Variants in ZYX observed in about 807,000 individuals in gnomAD.
ZYX encodes zyxin-2.
ZYX carries 37 observed loss-of-function variants against 58.1 expected under a neutral mutation model. The observed-to-expected ratio is 0.64, with a 90% CI of 0.49 to 0.84. The LOEUF (loss-of-function observed/expected upper bound fraction) is 0.84. Ranked by LOEUF, ZYX falls within the 40% of genes least tolerant of loss-of-function variation. The pLI, the probability that ZYX is intolerant of heterozygous loss-of-function variation, is 0.00. For synonymous variants in ZYX, 324 were observed against 321.1 expected (o/e 1.01, Z -0.10); for missense variants, 762 against 761.6 (o/e 1.00, Z -0.01).
In ZYX at chr7:143,388,410, C is replaced by T; in HGVS notation, c.1144+71C>T. Reference sequence around the variant, plus strand: ...GGTGGGGGCCAGGGCTGTGGCTCCACTCCCTATCTGAGCTGGCTGATCCCT... The same window carrying T: ...GGTGGGGGCCAGGGCTGTGGCTCCATTCCCTATCTGAGCTGGCTGATCCCT... On this transcript the variant is annotated intron_variant, in intron 6 of 9. Coordinates refer to ENST00000322764, the MANE Select transcript of ZYX (RefSeq NM_003461.5). The surrounding 1 kb of genome is among the most constrained non-coding windows in gnomAD (Gnocchi z 7.5). The T allele has an allele frequency of 1.2e-6, 2 of 1,607,136 alleles. No individual in the cohort carries two copies. Among genetic ancestry groups the T allele is most frequent in the Non-Finnish European group, 1.7e-6 (2 of 1,175,138 alleles).
chr7:143,383,039 T>C lies in ZYX; in HGVS notation c.740T>C (p.Leu247Ser), dbSNP rs745909420. Residue 247 changes from leucine to serine, a missense_variant, in exon 5 of 10, where the codon TTG (leucine) becomes TCG (serine). Transcript: ENST00000322764. Reference protein sequence around the residue: ...HVQSQTQPVSLANTQPRGPPA... With the variant: ...HVQSQTQPVSSANTQPRGPPA... ...CAGTCCCAGACCCAGCCTGTGTCTT[T>C]GGCTAACACCCAGCCCCGAGGGCCC... The C allele has an allele frequency of 1.5e-5, 24 of 1,614,018 alleles. No homozygotes were observed. The East Asian group carries it at 4.7e-4, about 31-fold the overall frequency.
In ZYX at chr7:143,388,197, G is replaced by A. The variant is rs1454508132; in HGVS notation, c.1024-22G>A. ...TGGAGGCAGCAGCCCTCTAGAGTGT[G>A]AGGAAAATGTTGGGATTGCAGGTGC... On this transcript the variant is annotated intron_variant, in intron 5 of 9. Coordinates refer to ENST00000322764, the MANE Select transcript of ZYX (RefSeq NM_003461.5). The surrounding 1 kb of genome is among the most constrained non-coding windows in gnomAD (Gnocchi z 7.5). 6.3e-6 allele frequency: 10 copies of A among 1,581,540 alleles called. No homozygotes were observed. The South Asian group carries it at 1.1e-4, about 18-fold the overall frequency.
At chr7:143,382,127 C>A in intron 2 of ZYX, 121 bp from the exon 3 acceptor site, 1 of 865,254 alleles carries the variant, frequency 1.2e-6, no homozygotes, top group Non-Finnish European at 1.7e-6. Flanking sequence ...TCCTTTGCTT[C>A]CCCACACGCT....
Position 143,388,707 on chromosome 7 carries a change from C to T in ZYX, c.1314+49C>T, listed in dbSNP as rs1222659442. The stretch of plus-strand genomic sequence containing the variant: ...TGCTGGGCTGTGCTGGGCAGTCGGG[C>T]CCTGGAAGCTTGCTGTGGGGTGCCG... On this transcript the variant is annotated intron_variant, in intron 7 of 9. Coordinates refer to ENST00000322764, the MANE Select transcript of ZYX (RefSeq NM_003461.5). This position sits in a 1 kb window ranked among gnomAD's most constrained non-coding sequence, Gnocchi z 7.5. The T allele has an allele frequency of 3.7e-6, 6 of 1,607,666 alleles. No individual in the cohort carries two copies. In the East Asian group the frequency reaches 1.1e-4, roughly 30 times the overall value.
chr7:143,389,345 C>T lies in ZYX; in HGVS notation c.1493+400C>T, dbSNP rs180723665. On this transcript the variant is annotated intron_variant, in intron 8 of 9. Coordinates refer to ENST00000322764, the MANE Select transcript of ZYX (RefSeq NM_003461.5). This position sits in a 1 kb window ranked among gnomAD's most constrained non-coding sequence, Gnocchi z 5.6. Reference sequence around the variant, plus strand: ...TACTTTTTCAGGCTGACCCGCAGAACCTCAGTGCAGCTGTGGGAACAGTGC... The same window carrying T: ...TACTTTTTCAGGCTGACCCGCAGAATCTCAGTGCAGCTGTGGGAACAGTGC... Among the ~76,000 whole-genome samples, 4 of 152,320 alleles carry T rather than the reference C, an allele frequency of 2.6e-5. No homozygotes were observed. In the East Asian group the frequency reaches 5.8e-4, roughly 22 times the overall value.
rs1348229896 is a variant in ZYX at position 143,390,410 on chromosome 7, G to A, written c.1615-168G>A. 2 of 619,508 alleles carry A rather than the reference G, an allele frequency of 3.2e-6. No homozygotes were observed. The highest frequency in any genetic ancestry group is 1.9e-5 in the South Asian group (1 of 53,280). The allele number at this position is 619,508 out of a possible 1,614,324, so 38.4% of individuals were successfully genotyped here. A position where few individuals can be genotyped will look rare whatever the true frequency, so the allele number is the denominator to read the frequency against. ...GCAGGAAGGTCCTAGTGGGTGACTG[G>A]AAGTAGGATAGGGATGGGGAGTTGG... is the stretch of plus-strand genomic sequence containing the variant. On this transcript the variant is annotated intron_variant, in intron 9 of 9. Transcript: ENST00000322764. The surrounding 1 kb of genome is among the most constrained non-coding windows in gnomAD (Gnocchi z 4.3).
Position 143,383,260 on chromosome 7 carries a change from G to C in ZYX, c.961G>C (p.Glu321Gln), listed in dbSNP as rs202040821. The change falls in exon 5 of 10, where the codon GAG becomes CAG. Residue 321 changes from glutamate to glutamine, a missense_variant. Physicochemically the swap from Glu to Gln is conservative, Grantham distance 29. Coordinates refer to ENST00000322764, the MANE Select transcript of ZYX (RefSeq NM_003461.5). ...CAGCTTCACCTATGCCCAGCAGAGG[G>C]AGAAGCCCCGAGTGCAGGAGAAGCA... ...PPSFTYAQQR[E>Q]KPRVQEKQHP... is the part of the protein sequence containing the mutation. 24 of 1,613,934 alleles carry C rather than the reference G, an allele frequency of 1.5e-5. No individual in the cohort carries two copies. Among genetic ancestry groups the C allele is most frequent in the Non-Finnish European group, 1.9e-5 (22 of 1,179,996 alleles).
chr7:143,385,939 C>T (rs1586567603), intron 5 of ZYX, among the ~76,000 whole-genome samples: 2 of 151,256 alleles, frequency 1.3e-5, no homozygotes, highest in South Asian at 2.1e-4. Context: ...GCCACCGCGC[C>T]TGGCCTGGTG....
chr7:143,385,686 T>TTG lies in ZYX; in HGVS notation c.1023+2364_1023+2365insTG, dbSNP rs1491239378. 3.7e-5 allele frequency among the ~76,000 whole-genome samples: 4 copies of TTG among 109,504 alleles called. No individual in the cohort carries two copies. The South Asian group carries it at 7.8e-4, about 21-fold the overall frequency. The allele number at this position is 109,504 out of a possible 152,430, so 71.8% of individuals were successfully genotyped here. A position where few individuals can be genotyped will look rare whatever the true frequency, so the allele number is the denominator to read the frequency against. Reference sequence around the variant, plus strand: ...TTTTTTTTTTTTTTTTTTTTTTTTTTGGAGACGGAGTGCAGGCTGTCGCCC... The same window carrying TTG: ...TTTTTTTTTTTTTTTTTTTTTTTTTTTGGGAGACGGAGTGCAGGCTGTCGCCC... On this transcript the variant is annotated intron_variant, in intron 5 of 9. Coordinates refer to ENST00000322764, the MANE Select transcript of ZYX (RefSeq NM_003461.5).
Position 143,388,819 on chromosome 7 carries a change from T to C in ZYX, c.1367T>C (p.Leu456Pro), listed in dbSNP as rs1804965184. The C allele has an allele frequency of 6.2e-7, 1 of 1,614,086 alleles. No individual in the cohort carries two copies. The highest frequency in any genetic ancestry group is 8.5e-7 in the Non-Finnish European group (1 of 1,179,996). The change falls in exon 8 of 10, where the codon CTG becomes CCG. Residue 456 changes from leucine (L) to proline (P), a missense_variant. Leu to Pro is a moderately conservative substitution (Grantham distance 98, BLOSUM62 -3). Coordinates refer to ENST00000322764, the MANE Select transcript of ZYX (RefSeq NM_003461.5). The surrounding 1 kb of genome is among the most constrained non-coding windows in gnomAD (Gnocchi z 7.5). ...TCGEPITDRMLRATGKAYHPH... is the reference protein window; with the variant it reads ...TCGEPITDRMPRATGKAYHPH... ...GGGGAGCCCATCACTGACCGCATGCTGAGGGCCACGGGCAAGGCCTATCAC... is the reference window on the plus strand; with the variant it reads ...GGGGAGCCCATCACTGACCGCATGCCGAGGGCCACGGGCAAGGCCTATCAC...
At chr7:143,381,866 T>C in intron 2 of ZYX, 87 bp downstream of exon 2, 2 of 1,321,342 alleles carry the variant, frequency 1.5e-6, no homozygotes, top group Non-Finnish European at 2.0e-6. Flanking sequence ...TCTGGAAAGG[T>C]TGTTGCCGAG....
rs1804999098 is a variant in ZYX at position 143,389,640 on chromosome 7, G to A, written c.1494-217G>A. ...GAACACCGTGGCAGGTGTGTGGGAGGCTCCCTTGCTTTGGGAGAGTGACTG... is the reference window on the plus strand; with the variant it reads ...GAACACCGTGGCAGGTGTGTGGGAGACTCCCTTGCTTTGGGAGAGTGACTG... On this transcript the variant is annotated intron_variant, in intron 8 of 9. Coordinates refer to ENST00000322764, the MANE Select transcript of ZYX (RefSeq NM_003461.5). The surrounding 1 kb of genome is among the most constrained non-coding windows in gnomAD (Gnocchi z 5.6). 6.6e-6 allele frequency among the ~76,000 whole-genome samples: 1 copy of A among 152,172 alleles called. No individual in the cohort carries two copies. The highest frequency in any genetic ancestry group is 1.5e-5 in the Non-Finnish European group (1 of 68,036).
At position 143,382,336 on chromosome 7, in the gene ZYX, G is replaced by A. The variant is rs375203793; in HGVS notation, c.297G>A (p.Pro99=). The A allele has an allele frequency of 5.2e-5, 83 of 1,604,286 alleles. No homozygotes were observed. Among genetic ancestry groups the A allele is most frequent in the Non-Finnish European group, 6.8e-5 (80 of 1,174,164 alleles). The stretch of plus-strand genomic sequence containing the variant: ...GTGCCTTCCCGCCGCCCCCTCCCCC[G>A]ATCGAGGAATCATTTCCCCCTGCGC... The part of the protein sequence containing the change: ...LGGAFPPPPP[P]IEESFPPAPL... The change falls in exon 3 of 10, where the codon CCG becomes CCA. Residue 99 remains proline, a synonymous_variant. Transcript: ENST00000322764.
rs1241210435 is a variant in ZYX at position 143,388,687 on chromosome 7, G to A, written c.1314+29G>A. On this transcript the variant is annotated intron_variant, in intron 7 of 9. Transcript: ENST00000322764. This position sits in a 1 kb window ranked among gnomAD's most constrained non-coding sequence, Gnocchi z 7.5. ...AGTCGGGCTGTGCTGGGCTGTGCTGGGCTGTGCTGGGCAGTCGGGCCCTGG... is the reference window on the plus strand; with the variant it reads ...AGTCGGGCTGTGCTGGGCTGTGCTGAGCTGTGCTGGGCAGTCGGGCCCTGG... 1 of 1,611,772 alleles carries A rather than the reference G, an allele frequency of 6.2e-7. No individual in the cohort carries two copies. The highest frequency in any genetic ancestry group is 2.2e-5 in the East Asian group (1 of 44,794).
chr7:143,385,406 A>G (rs990485735), intron 5 of ZYX, among the ~76,000 whole-genome samples: 1 of 149,872 alleles, frequency 6.7e-6, no homozygotes, highest in Non-Finnish European at 1.5e-5. Flanking sequence ...GGTGTATGTG[A>G]GTGTATGTGC....
rs964619958 is a variant in ZYX at position 143,388,429 on chromosome 7, G to A, written c.1145-60G>A. ...GCTCCACTCCCTATCTGAGCTGGCT[G>A]ATCCCTCGCAGCTCTACATACTTCC... On this transcript the variant is annotated intron_variant, in intron 6 of 9. Transcript: ENST00000322764. This position sits in a 1 kb window ranked among gnomAD's most constrained non-coding sequence, Gnocchi z 7.5. The A allele has an allele frequency of 4.9e-5, 78 of 1,605,030 alleles. No homozygotes were observed. The highest frequency in any genetic ancestry group is 6.3e-5 in the Non-Finnish European group (74 of 1,173,724).
At chr7:143,382,156 T>G in intron 2 of ZYX, 92 bp from the exon 3 acceptor site, 1 of 1,083,166 alleles carries the variant, frequency 9.2e-7, no homozygotes, top group Non-Finnish European at 1.3e-6. Context: ...CCTGAGAGAG[T>G]TCTTGGGTTA....
Position 143,390,589 on chromosome 7 carries a change from G to T in ZYX, c.1626G>T (p.Lys542Asn), listed in dbSNP as rs1274814671. ...MKCYKCEDCG[K>N]PLSIEADDNG... ...TTCCTTCTTCCCAGGACTGCGGGAA[G>T]CCCCTGTCGATTGAGGCAGATGACA... Residue 542 changes from lysine to asparagine, a missense_variant, in exon 10 of 10, where the codon AAG (lysine) becomes AAT (asparagine). Lys to Asn is a moderately conservative substitution (Grantham distance 94, BLOSUM62 0). Coordinates refer to ENST00000322764, the MANE Select transcript of ZYX (RefSeq NM_003461.5). This position sits in a 1 kb window ranked among gnomAD's most constrained non-coding sequence, Gnocchi z 4.3. 1.0e-5 allele frequency: 16 copies of T among 1,569,218 alleles called. No individual in the cohort carries two copies. The highest frequency in any genetic ancestry group is 1.4e-5 in the Non-Finnish European group (16 of 1,156,286).
chr7:143,390,638 C>A lies in ZYX; in HGVS notation c.1675C>A (p.His559Asn). The change falls in exon 10 of 10, where the codon CAC becomes AAC. Residue 559 changes from histidine to asparagine, a missense_variant. Physicochemically the swap from His to Asn is moderately conservative, Grantham distance 68. Coordinates refer to ENST00000322764, the MANE Select transcript of ZYX (RefSeq NM_003461.5). This position sits in a 1 kb window ranked among gnomAD's most constrained non-coding sequence, Gnocchi z 4.3. ...DDNGCFPLDG[H>N]VLCRKCHTAR... Reference sequence around the variant, plus strand: ...CAATGGCTGCTTCCCCCTGGACGGTCACGTGCTCTGTCGGAAGTGCCACAC... The same window carrying A: ...CAATGGCTGCTTCCCCCTGGACGGTAACGTGCTCTGTCGGAAGTGCCACAC... The A allele has an allele frequency of 6.3e-7, 1 of 1,588,396 alleles. No individual in the cohort carries two copies. The highest frequency in any genetic ancestry group is 1.2e-5 in the South Asian group (1 of 86,774).
Sources: allele counts gnomAD v4.1 joint callset (sites outside exome capture counted in the v4.1 genomes callset), GRCh38; gene constraint gnomAD v4.1.1; non-coding constraint Gnocchi (gnomAD v3.1); transcripts MANE v1.5; gene names NCBI Gene and HGNC (gene_info 2026-07-23, HGNC 2026-07-21).